Variants in JAK1 observed in about 807,000 individuals in gnomAD.
JAK1 encodes tyrosine-protein kinase JAK1.
A neutral mutation model predicts 136.6 loss-of-function variants in JAK1; 16 were observed. The observed-to-expected ratio is 0.12, with a 90% CI of 0.08 to 0.18. JAK1 has a LOEUF of 0.18. JAK1 is among the 10% of genes least tolerant of loss of function. The pLI is 1.00. For missense variants in JAK1, 859 were observed against 1,450.1 expected (o/e 0.59, Z 6.62); for synonymous variants, 492 against 519.5 (o/e 0.95, Z 0.72).
intron 5 of JAK1, among the ~76,000 whole-genome samples, chr1:64,870,817 G>C (rs1280660317): frequency 6.6e-6 from 1 of 152,112 alleles, no homozygotes; most frequent in Non-Finnish European, 1.5e-5. Flanking sequence ...TCTCAGGTGA[G>C]GAAAGGTCAC....
At chr1:65,046,768 T>A (rs1393700016) in intron 1 of JAK1, among the ~76,000 whole-genome samples, 2 of 151,884 alleles carry the variant, frequency 1.3e-5, no homozygotes, top group East Asian at 3.9e-4. Flanking sequence ...CAGGCTGGTG[T>A]CGAACTCCTG....
At chr1:64,838,916 C>A (rs1031961678) in intron 20 of JAK1, among the ~76,000 whole-genome samples, 2 of 151,782 alleles carry the variant, frequency 1.3e-5, no homozygotes, top group African/African-American at 2.4e-5. Context: ...GAGGCCGAGG[C>A]GGGCGGATCA....
chr1:64,957,860 C>T (rs533930007), intron 1 of JAK1, among the ~76,000 whole-genome samples: 19 of 152,212 alleles, frequency 1.2e-4, no homozygotes, highest in African/African-American at 3.1e-4. Context: ...AGGAGAATGG[C>T]GTGAACCCGG....
rs1646587300 is a variant in JAK1, at chr1:64,985,246, C to T, written c.-78+59234G>A. ...GAGTAATAGAACACAGTATTGATTA[C>T]AGAGAGCTGCTGAGAGAGCTGGAGC... On this transcript the variant is annotated intron_variant, in intron 2 of 25. Transcript: ENST00000671954. The T allele has an allele frequency of 2.5e-6, 4 of 1,603,942 alleles. No individual in the cohort carries two copies. In the South Asian group the frequency reaches 4.4e-5, roughly 18 times the overall value.
chr1:64,999,337 G>A (rs76683700), intron 2 of JAK1, among the ~76,000 whole-genome samples: 3,412 of 152,182 alleles, frequency 0.022, 117 homozygotes, highest in African/African-American at 0.078. Context: ...ACACATACCT[G>A]GGCACCTTGT....
intron 1 of JAK1, among the ~76,000 whole-genome samples, chr1:64,928,830 ATTTTAT>A (rs1364896551): frequency 6.6e-6 from 1 of 150,798 alleles, no homozygotes; most frequent in Non-Finnish European, 1.5e-5. Flanking sequence ...AAAGTATTCA[ATTTTAT>A]TTTTAAGGTA....
chr1:64,896,176 G>A (rs1281442241), intron 1 of JAK1, among the ~76,000 whole-genome samples: 1 of 152,180 alleles, frequency 6.6e-6, no homozygotes, highest in Non-Finnish European at 1.5e-5. Context: ...ACATAGGAAG[G>A]CAGTCTCAAT....
intron 1 of JAK1, among the ~76,000 whole-genome samples, chr1:64,894,788 A>G (rs938448769): frequency 6.8e-6 from 1 of 146,694 alleles, no homozygotes. Flanking sequence ...AAAAACAAAC[A>G]AAAAAAAACC....
chr1:64,911,085 G>A (rs1248805734), intron 1 of JAK1, among the ~76,000 whole-genome samples: 4 of 147,758 alleles, frequency 2.7e-5, no homozygotes, highest in East Asian at 2.0e-4. Context: ...ATTCAGGAGT[G>A]AAAAAAAAAA....
chr1:64,946,132 T>C (rs769265427), intron 1 of JAK1, among the ~76,000 whole-genome samples: 2 of 152,154 alleles, frequency 1.3e-5, no homozygotes, highest in Non-Finnish European at 2.9e-5. Context: ...AGTTTAAAAA[T>C]GCTTGCCAAG....
chr1:65,040,919 G>A lies in JAK1; in HGVS notation c.-78+3561C>T, dbSNP rs182130777. ...GTGGGGTAAAGGAAGCCCAGGAAGT[G>A]AAGTTTTTATATAGGACTTGGGGTC... is the stretch of plus-strand genomic sequence containing the variant. On this transcript the variant is annotated intron_variant, in intron 2 of 25. Transcript: ENST00000671954. Among the ~76,000 whole-genome samples, 358 of 152,256 alleles carry A rather than the reference G, an allele frequency of 2.4e-3. 1 individual carries two copies. The highest frequency in any genetic ancestry group is 3.9e-3 in the Non-Finnish European group (266 of 68,016).
Position 64,834,344 on chromosome 1 carries a change from G to T in JAK1, c.*218C>A. On this transcript the variant is annotated 3_prime_UTR_variant, in exon 25 of 25. Coordinates refer to ENST00000342505, the MANE Select transcript of JAK1 (RefSeq NM_002227.4). ...TCAAATATTTTGGTTGTCATTATGT[G>T]TCACTAAGTTACTGGTACCAAATTT... 1 of 397,978 alleles carries T rather than the reference G, an allele frequency of 2.5e-6. No homozygotes were observed. Among genetic ancestry groups the T allele is most frequent in the Non-Finnish European group, 4.6e-6 (1 of 217,892 alleles). The allele number at this position is 397,978 out of a possible 1,614,324, so 24.7% of individuals were successfully genotyped here.
At chr1:64,985,768 G>C in intron 2 of JAK1, 1 of 647,022 alleles carries the variant, frequency 1.5e-6, no homozygotes, top group Non-Finnish European at 2.8e-6. Flanking sequence ...ACTTTACACA[G>C]TCCCATAAGG....
At chr1:65,009,163 T>C (rs1646827371) in intron 2 of JAK1, among the ~76,000 whole-genome samples, 1 of 152,124 alleles carries the variant, frequency 6.6e-6, no homozygotes, top group Admixed American at 6.5e-5. Context: ...TAGAATTTAA[T>C]ATTAAATTAA....
intron 2 of JAK1, chr1:64,990,106 G>C (rs926214609): frequency 2.0e-5 from 3 of 152,204 alleles, no homozygotes; most frequent in Non-Finnish European, 2.9e-5. Context: ...TCAGGAGTTC[G>C]AGGCCAGCCC....
At chr1:65,061,395 G>A (rs1569974632) in intron 1 of JAK1, among the ~76,000 whole-genome samples, 3 of 152,042 alleles carry the variant, frequency 2.0e-5, no homozygotes, top group Admixed American at 6.6e-5. Flanking sequence ...TTTCTCAAGC[G>A]ATCAATCAAT....
At chr1:64,837,267 ATGAG>A (rs574540309) in intron 22 of JAK1, among the ~76,000 whole-genome samples, 50 of 152,316 alleles carry the variant, frequency 3.3e-4, no homozygotes, top group South Asian at 1.9e-3. Flanking sequence ...AAATGAATGA[ATGAG>A]TAAGTTTAGG....
chr1:64,939,037 A>G (rs146499026), intron 1 of JAK1, among the ~76,000 whole-genome samples: 2,717 of 152,240 alleles, frequency 0.018, 76 homozygotes, highest in African/African-American at 0.061. Context: ...GTGCAATGGC[A>G]TGACCATGGC....
At position 64,860,029 on chromosome 1, in the gene JAK1, C is replaced by A. The variant is rs1409100413; in HGVS notation, c.1334+76G>T. The A allele has an allele frequency of 2.4e-6, 3 of 1,261,282 alleles. No homozygotes were observed. The East Asian group carries it at 7.8e-5, about 33-fold the overall frequency. 78.1% of individuals were successfully genotyped at this position (1,261,282 alleles called of 1,614,324 possible). A position where few individuals can be genotyped will look rare whatever the true frequency, so the allele number is the denominator to read the frequency against. ...GCATGGTCAACTGGCCTGACCTAAA[C>A]AATGATGACATGCCCCATCACTAAA... On this transcript the variant is annotated intron_variant, in intron 9 of 24. Transcript: ENST00000342505.
Sources: allele counts gnomAD v4.1 joint callset (sites outside exome capture counted in the v4.1 genomes callset), GRCh38; gene constraint gnomAD v4.1.1; transcripts MANE v1.5; gene names NCBI Gene and HGNC (gene_info 2026-07-23, HGNC 2026-07-21).